Variants in LRRC75A observed in about 807,000 individuals in gnomAD.
LRRC75A encodes leucine-rich repeat-containing protein 75A.
LRRC75A carries 12 observed loss-of-function variants against 26.0 expected under a neutral mutation model. The observed-to-expected ratio is 0.46, with a 90% CI of 0.30 to 0.75. LRRC75A has a LOEUF of 0.75. Among genes scored for constraint, LRRC75A ranks in the 30% least tolerant of loss-of-function variants. The pLI, the probability that LRRC75A is intolerant of heterozygous loss-of-function variation, is 0.08. For missense variants in LRRC75A, 410 were observed against 486.6 expected (o/e 0.84, Z 1.48); for synonymous variants, 223 against 219.3 (o/e 1.02, Z -0.15).
intron 3 of LRRC75A, 134 bp from the exon 4 acceptor site, chr17:16,444,265 C>T: frequency 1.4e-6 from 1 of 733,454 alleles, no homozygotes; most frequent in Non-Finnish European, 2.2e-6. Context: ...TCGGATGCCA[C>T]AAGTGCAGAG....
intron 1 of LRRC75A, among the ~76,000 whole-genome samples, chr17:16,471,186 G>A (rs902953704): frequency 6.6e-6 from 1 of 152,232 alleles, no homozygotes; most frequent in African/African-American, 2.4e-5. Context: ...AGAGAAGGCA[G>A]CAATGTGAAG....
chr17:16,453,354 A>G (rs113709408), intron 2 of LRRC75A, among the ~76,000 whole-genome samples: 90 of 111,176 alleles, frequency 8.1e-4, no homozygotes, highest in African/African-American at 2.8e-3. Context: ...ACACGCACAC[A>G]CACACACACG....
intron 1 of LRRC75A, among the ~76,000 whole-genome samples, chr17:16,466,665 T>C (rs2093771251): frequency 6.6e-6 from 1 of 151,932 alleles, no homozygotes; most frequent in Admixed American, 6.6e-5. Flanking sequence ...CACTCTCGGC[T>C]CCCTTTCCGA....
chr17:16,474,240 G>T (rs969358039), intron 1 of LRRC75A, among the ~76,000 whole-genome samples: 22 of 152,150 alleles, frequency 1.4e-4, no homozygotes, highest in African/African-American at 5.3e-4. Flanking sequence ...CTACACCACA[G>T]CTTCCCCACC....
chr17:16,481,886 C>G (rs965536777), intron 1 of LRRC75A, among the ~76,000 whole-genome samples: 1 of 152,170 alleles, frequency 6.6e-6, no homozygotes, highest in Non-Finnish European at 1.5e-5. Context: ...GCTCCTGTTC[C>G]CCTGATTCCC....
At chr17:16,477,723 A>C (rs995629519) in intron 1 of LRRC75A, among the ~76,000 whole-genome samples, 1 of 152,208 alleles carries the variant, frequency 6.6e-6, no homozygotes. Flanking sequence ...AGACCCCTGC[A>C]GCCAGGCAGA....
chr17:16,462,268 C>T lies in LRRC75A; in HGVS notation c.365G>A (p.Cys122Tyr), dbSNP rs780503668. ...LIISLARYIH[C>Y]PKPEGDALGA... ...CCACAGCCACCCTACCGGCTTGGGA[C>T]AGTGGATGTAGCGTGCCAGGCTGAT... Residue 122 changes from cysteine (C) to tyrosine (Y), a missense_variant, in exon 2 of 4, where the codon TGT (cysteine) becomes TAT (tyrosine). Physicochemically the swap from Cys to Tyr is radical, Grantham distance 194. Transcript: ENST00000470794. The surrounding 1 kb of genome is among the most constrained non-coding windows in gnomAD (Gnocchi z 4.6). 1 of 1,614,002 alleles carries T rather than the reference C, an allele frequency of 6.2e-7. No homozygotes were observed. Among genetic ancestry groups the T allele is most frequent in the Non-Finnish European group, 8.5e-7 (1 of 1,179,956 alleles).
chr17:16,481,833 G>T (rs1292212595), intron 1 of LRRC75A, among the ~76,000 whole-genome samples: 2 of 152,096 alleles, frequency 1.3e-5, no homozygotes, highest in African/African-American at 4.8e-5. Context: ...GTTTCCAGCT[G>T]CCCAGCCCAC....
At chr17:16,483,808 A>C (rs1234491871) in intron 1 of LRRC75A, among the ~76,000 whole-genome samples, 1 of 152,172 alleles carries the variant, frequency 6.6e-6, no homozygotes, top group Non-Finnish European at 1.5e-5. Flanking sequence ...TCCCGGAGGA[A>C]GGGAAACAGC....
intron 2 of LRRC75A, among the ~76,000 whole-genome samples, chr17:16,456,363 AGAGAAGGAAGAG>A (rs1347283035): frequency 8.4e-6 from 1 of 118,614 alleles, no homozygotes; most frequent in African/African-American, 3.4e-5. Flanking sequence ...AGGAGGAGGA[AGAGAAGGAAGAG>A]GAGGAGGAAG....
chr17:16,469,303 C>T (rs1404578128), intron 1 of LRRC75A, among the ~76,000 whole-genome samples: 1 of 152,230 alleles, frequency 6.6e-6, no homozygotes, highest in East Asian at 1.9e-4. Flanking sequence ...CCTTTCATCT[C>T]ATCCTGTTGG....
intron 1 of LRRC75A, among the ~76,000 whole-genome samples, chr17:16,483,571 C>T (rs1054598960): frequency 2.0e-5 from 3 of 152,216 alleles, no homozygotes; most frequent in African/African-American, 7.2e-5. Flanking sequence ...ACCACAGGCA[C>T]CTGGTGGAAT....
chr17:16,471,280 GA>G (rs1177229813), intron 1 of LRRC75A, among the ~76,000 whole-genome samples: 1 of 152,216 alleles, frequency 6.6e-6, no homozygotes, highest in Non-Finnish European at 1.5e-5. Flanking sequence ...GGAATCTCTG[GA>G]TGGACACGGC....
chr17:16,454,092 T>C (rs1395947693), intron 2 of LRRC75A, among the ~76,000 whole-genome samples: 2 of 152,112 alleles, frequency 1.3e-5, no homozygotes, highest in Non-Finnish European at 2.9e-5. Context: ...CAAGCCTGAG[T>C]ATAAAAACAG....
At chr17:16,453,710 C>T (rs994662568) in intron 2 of LRRC75A, among the ~76,000 whole-genome samples, 9 of 152,114 alleles carry the variant, frequency 5.9e-5, no homozygotes, top group East Asian at 1.9e-4. Context: ...CAAAGCATGG[C>T]GCCGGGGCCA....
chr17:16,450,862 G>A (rs571883821), intron 2 of LRRC75A, among the ~76,000 whole-genome samples: 1 of 152,274 alleles, frequency 6.6e-6, no homozygotes, highest in South Asian at 2.1e-4. Flanking sequence ...TATGCTGGAT[G>A]GAGAAGGTGT....
At chr17:16,471,645 C>G (rs2093806436) in intron 1 of LRRC75A, among the ~76,000 whole-genome samples, 1 of 152,220 alleles carries the variant, frequency 6.6e-6, no homozygotes. Context: ...AGGGGCAGGG[C>G]TGTACTAGTC....
At chr17:16,459,022 A>G (rs1413375759) in intron 2 of LRRC75A, among the ~76,000 whole-genome samples, 2 of 152,214 alleles carry the variant, frequency 1.3e-5, no homozygotes, top group African/African-American at 4.8e-5. Flanking sequence ...CCTGTGAAAC[A>G]ACTTCCTACT....
intron 1 of LRRC75A, among the ~76,000 whole-genome samples, chr17:16,480,699 C>T (rs1246719326): frequency 6.6e-6 from 1 of 152,028 alleles, no homozygotes; most frequent in African/African-American, 2.4e-5. Flanking sequence ...AACTATGCTC[C>T]CCATTCTTCC....
Sources: allele counts gnomAD v4.1 joint callset (sites outside exome capture counted in the v4.1 genomes callset), GRCh38; gene constraint gnomAD v4.1.1; non-coding constraint Gnocchi (gnomAD v3.1); transcripts MANE v1.5; gene names NCBI Gene and HGNC (gene_info 2026-07-23, HGNC 2026-07-21).